NAPEPLD: variants seen among roughly 807,000 people sequenced by gnomAD.
NAPEPLD encodes N-acyl phosphatidylethanolamine phospholipase D.
In NAPEPLD, 23 loss-of-function variants were observed where a neutral mutation model predicts 38.1. The ratio of observed to expected loss-of-function variants is 0.60; its 90% CI spans 0.43 to 0.86. The LOEUF (loss-of-function observed/expected upper bound fraction) is 0.86, where lower values mean the gene tolerates loss of function less well. NAPEPLD is among the 40% of genes least tolerant of loss of function. NAPEPLD has a pLI of 0.00. For missense variants in NAPEPLD, 411 were observed against 476.8 expected, an observed-to-expected ratio of 0.86 and a Z score of 1.28; for synonymous variants, 147 against 162.0, an observed-to-expected ratio of 0.91 and a Z score of 0.71.
intron 2 of NAPEPLD, chr7:103,128,096 G>A (rs906013704): frequency 2.1e-5 from 4 of 194,226 alleles, no homozygotes; most frequent in Non-Finnish European, 3.1e-5. Flanking sequence ...CTACCTTCCA[G>A]AGCAGGTAAT....
chr7:103,107,049 G>C (rs1455297436), intron 4 of NAPEPLD, among the ~76,000 whole-genome samples: 4 of 152,172 alleles, frequency 2.6e-5, no homozygotes, highest in African/African-American at 9.7e-5. Flanking sequence ...AGCTTGCAGA[G>C]GAAGAAACAG....
At chr7:103,142,634 T>C (rs1811662064) in intron 1 of NAPEPLD, among the ~76,000 whole-genome samples, 1 of 151,898 alleles carries the variant, frequency 6.6e-6, no homozygotes, top group South Asian at 2.1e-4. Flanking sequence ...TCAATCCAAC[T>C]GAGTCACAAA....
At position 103,133,065 on chromosome 7, in the gene NAPEPLD, C is replaced by G. The variant is rs6965539; in HGVS notation, c.-16-4273G>C. On this transcript the variant is annotated intron_variant, in intron 1 of 4. Coordinates refer to ENST00000465647, the MANE Select transcript of NAPEPLD (RefSeq NM_001122838.3). ...AAACAAAAAACAAAAAAATCTGATA[C>G]AAACAAAACGAAAAAACCTCCAAAG... Among the ~76,000 whole-genome samples, 932 of 152,220 alleles carry G rather than the reference C, an allele frequency of 6.1e-3. 10 individuals are homozygous for G. The highest frequency in any genetic ancestry group is 0.021 in the African/African-American group (873 of 41,530).
intron 1 of NAPEPLD, among the ~76,000 whole-genome samples, chr7:103,144,167 A>G (rs1812077571): frequency 6.6e-6 from 1 of 152,248 alleles, no homozygotes; most frequent in African/African-American, 2.4e-5. Flanking sequence ...TGCTCTTTCC[A>G]CTAATCATGT....
chr7:103,141,387 T>C (rs112975931), intron 1 of NAPEPLD: 10 of 815,258 alleles, frequency 1.2e-5, no homozygotes, highest in Admixed American at 8.5e-5. Flanking sequence ...AAAGTCTTGA[T>C]GATCTCCTCC....
chr7:103,115,038 T>A (rs1310085709), intron 4 of NAPEPLD, 22 bp downstream of exon 4: 1 of 1,569,458 alleles, frequency 6.4e-7, no homozygotes, highest in South Asian at 1.1e-5. Context: ...CACAAAGTTA[T>A]TTTTATCGCA....
At chr7:103,119,191 G>T (rs1032992036) in intron 3 of NAPEPLD, among the ~76,000 whole-genome samples, 3 of 152,086 alleles carry the variant, frequency 2.0e-5, no homozygotes, top group Non-Finnish European at 4.4e-5. Context: ...CCTTTCTTAT[G>T]GTAACATCAT....
chr7:103,104,388 G>A (rs1372918263), intron 4 of NAPEPLD, among the ~76,000 whole-genome samples: 1 of 152,194 alleles, frequency 6.6e-6, no homozygotes, highest in Admixed American at 6.5e-5. Flanking sequence ...AGAGGTCCGT[G>A]GACTGACTTC....
rs1218301453 is a variant in NAPEPLD at position 103,115,045 on chromosome 7, C to T, written c.1056+15G>A. 3.2e-6 allele frequency: 5 copies of T among 1,577,430 alleles called. No individual in the cohort carries two copies. Among genetic ancestry groups the T allele is most frequent in the East Asian group, 4.5e-5 (2 of 44,670 alleles). Reference sequence around the variant, plus strand: ...GTCAAACACACAAAGTTATTTTTATCGCAATCAAACTTACCTCATTTGCTA... The same window carrying T: ...GTCAAACACACAAAGTTATTTTTATTGCAATCAAACTTACCTCATTTGCTA... On this transcript the variant is annotated intron_variant, in intron 4 of 4. Coordinates refer to ENST00000465647, the MANE Select transcript of NAPEPLD (RefSeq NM_001122838.3).
chr7:103,126,727 C>T (rs536865492), intron 2 of NAPEPLD: 2 of 152,132 alleles, frequency 1.3e-5, no homozygotes, highest in South Asian at 4.1e-4. Flanking sequence ...CTGCCTCAGC[C>T]TCCCAAGTAG....
intron 1 of NAPEPLD, among the ~76,000 whole-genome samples, chr7:103,139,465 T>C (rs1296090486): frequency 6.6e-6 from 1 of 152,202 alleles, no homozygotes. Flanking sequence ...ATTCTCAAGA[T>C]GGTGAGGAAT....
intron 4 of NAPEPLD, among the ~76,000 whole-genome samples, chr7:103,114,569 TCA>T (rs1446024818): frequency 6.6e-6 from 1 of 152,132 alleles, no homozygotes; most frequent in Non-Finnish European, 1.5e-5. Context: ...CCCTGCCCTC[TCA>T]GAGCCAAGTT....
intron 1 of NAPEPLD, among the ~76,000 whole-genome samples, chr7:103,131,983 G>A (rs777047832): frequency 3.3e-5 from 5 of 152,090 alleles, no homozygotes; most frequent in East Asian, 3.9e-4. Flanking sequence ...GCGTGGTGGC[G>A]CGTGCCTGCA....
intron 1 of NAPEPLD, among the ~76,000 whole-genome samples, chr7:103,131,886 C>T (rs559968318): frequency 6.6e-6 from 1 of 152,114 alleles, no homozygotes; most frequent in Admixed American, 6.5e-5. Context: ...GAGGCCGAGG[C>T]GAGTGGATCA....
intron 1 of NAPEPLD, among the ~76,000 whole-genome samples, chr7:103,131,911 C>T (rs1809025758): frequency 6.6e-6 from 1 of 152,036 alleles, no homozygotes; most frequent in Non-Finnish European, 1.5e-5. Context: ...GTCAGGAGTT[C>T]GAGACTAGCC....
chr7:103,105,093 T>G (rs1356423918), intron 4 of NAPEPLD, among the ~76,000 whole-genome samples: 1 of 152,210 alleles, frequency 6.6e-6, no homozygotes, highest in Non-Finnish European at 1.5e-5. Flanking sequence ...CACAGACCAA[T>G]TCTTCGCTGT....
In NAPEPLD at chr7:103,128,570, C is replaced by T; in HGVS notation, c.207G>A (p.Trp69Ter). ...GAATAGAGGGGTTTTTCCATGTTGG[C>T]CACGGATTCACAAATCTCCCATCTT... ...KGKDGRFVNPWPTWKNPSIPN... is the reference protein window; with the variant it reads ...KGKDGRFVNP Residue 69 changes from tryptophan to a stop codon, truncating the protein, a stop_gained, in exon 2 of 5, where the codon TGG becomes TGA. Transcript: ENST00000465647. LOFTEE classifies it high-confidence loss of function. The T allele has an allele frequency of 6.2e-7, 1 of 1,614,174 alleles. No individual in the cohort carries two copies. Among genetic ancestry groups the T allele is most frequent in the Non-Finnish European group, 8.5e-7 (1 of 1,180,034 alleles).
At chr7:103,125,406 G>A (rs1268603542) in intron 2 of NAPEPLD, among the ~76,000 whole-genome samples, 2 of 152,118 alleles carry the variant, frequency 1.3e-5, no homozygotes, top group Non-Finnish European at 2.9e-5. Flanking sequence ...AATATAAATA[G>A]TTGCCATCAT....
chr7:103,135,494 T>C (rs1391432170), intron 1 of NAPEPLD, among the ~76,000 whole-genome samples: 1 of 152,152 alleles, frequency 6.6e-6, no homozygotes, highest in African/African-American at 2.4e-5. Context: ...AGGGAGAATG[T>C]TCTGTGGGAG....
Sources: allele counts gnomAD v4.1 joint callset (sites outside exome capture counted in the v4.1 genomes callset), GRCh38; gene constraint gnomAD v4.1.1; transcripts MANE v1.5; gene names NCBI Gene and HGNC (gene_info 2026-07-23, HGNC 2026-07-21).